GRIP1: variants seen among roughly 807,000 people sequenced by gnomAD.
The protein encoded by GRIP1 is glutamate receptor-interacting protein 1.
GRIP1 carries 45 observed loss-of-function variants against 129.9 expected under a neutral mutation model. That is an observed-to-expected ratio of 0.35 (90% CI 0.27 to 0.44). The LOEUF (loss-of-function observed/expected upper bound fraction) is 0.44, where lower values mean the gene tolerates loss of function less well. GRIP1 is among the 20% of genes least tolerant of loss of function. The pLI, the probability that GRIP1 is intolerant of heterozygous loss-of-function variation, is 1.00. For missense variants in GRIP1, 1,196 were observed against 1,396.8 expected (o/e 0.86, Z 2.29); for synonymous variants, 530 against 520.8 (o/e 1.02, Z -0.24).
chr12:66,499,196 A>C (rs1434272164), intron 7 of GRIP1, among the ~76,000 whole-genome samples: 1 of 152,216 alleles, frequency 6.6e-6, no homozygotes, highest in Non-Finnish European at 1.5e-5. Context: ...GAACTGACCT[A>C]TCACTGTGGA....
chr12:66,540,370 T>C (rs1289418325), intron 3 of GRIP1, among the ~76,000 whole-genome samples: 3 of 152,244 alleles, frequency 2.0e-5, no homozygotes, highest in South Asian at 2.1e-4. Flanking sequence ...AATTACAGAA[T>C]TAATACAACT....
At chr12:66,716,961 CA>C (rs2035908862) in intron 1 of GRIP1, among the ~76,000 whole-genome samples, 1 of 152,008 alleles carries the variant, frequency 6.6e-6, no homozygotes, top group South Asian at 2.1e-4. Context: ...AAACACAGCC[CA>C]GGCAAGAAAT....
intron 7 of GRIP1, among the ~76,000 whole-genome samples, chr12:66,513,291 T>G (rs921722032): frequency 6.6e-6 from 1 of 152,152 alleles, no homozygotes; most frequent in Non-Finnish European, 1.5e-5. Flanking sequence ...TCAAAAATAT[T>G]TTGACTATTT....
intron 1 of GRIP1, among the ~76,000 whole-genome samples, chr12:67,017,304 C>G (rs1407911416): frequency 6.6e-6 from 1 of 151,760 alleles, no homozygotes; most frequent in African/African-American, 2.4e-5. Flanking sequence ...GTTGTCCTCT[C>G]GGTGGCCCCT....
intron 1 of GRIP1, among the ~76,000 whole-genome samples, chr12:66,671,561 T>C (rs2034083575): frequency 1.3e-5 from 2 of 151,898 alleles, no homozygotes; most frequent in African/African-American, 4.8e-5. Context: ...CTTAAAAGAG[T>C]GGTCTGCCCT....
chr12:66,868,251 A>G (rs1374043985), intron 1 of GRIP1, among the ~76,000 whole-genome samples: 2 of 152,138 alleles, frequency 1.3e-5, no homozygotes, highest in African/African-American at 2.4e-5. Context: ...GACAGGGAAA[A>G]TTTGTACTGG....
intron 1 of GRIP1, among the ~76,000 whole-genome samples, chr12:66,909,976 C>T (rs1311825342): frequency 1.3e-5 from 2 of 152,136 alleles, no homozygotes; most frequent in Non-Finnish European, 2.9e-5. Context: ...CTCATCTAAG[C>T]AGATTATAAT....
intron 1 of GRIP1, among the ~76,000 whole-genome samples, chr12:66,722,312 C>G (rs1018513506): frequency 2.0e-5 from 3 of 152,036 alleles, no homozygotes; most frequent in Admixed American, 6.6e-5. Context: ...ATTAATTGAC[C>G]TAATTTCAAT....
intron 1 of GRIP1, among the ~76,000 whole-genome samples, chr12:66,790,621 T>C (rs1312621179): frequency 6.6e-6 from 1 of 152,012 alleles, no homozygotes. Context: ...GAATGAGAAA[T>C]GAATTCAAGG....
At chr12:66,921,303 A>T (rs1566079194) in intron 1 of GRIP1, among the ~76,000 whole-genome samples, 2 of 152,222 alleles carry the variant, frequency 1.3e-5, no homozygotes, top group Non-Finnish European at 2.9e-5. Context: ...CCCAGGCAAG[A>T]TTCCACACAA....
At position 66,629,881 on chromosome 12, in the gene GRIP1, A is replaced by T. The variant is rs148066631; in HGVS notation, c.56-32954T>A. 6.7e-3 allele frequency among the ~76,000 whole-genome samples: 1,020 copies of T among 152,344 alleles called. 11 individuals carry two copies. The highest frequency in any genetic ancestry group is 0.023 in the African/African-American group (970 of 41,550). On this transcript the variant is annotated intron_variant, in intron 1 of 24. Transcript: ENST00000359742. ...CATATAGCTTAATTTTACCTTAAAA[A>T]GACCCACAAGCCAGTTTTGGTTCTT...
intron 1 of GRIP1, among the ~76,000 whole-genome samples, chr12:66,959,037 T>C (rs1440448458): frequency 3.3e-5 from 5 of 152,242 alleles, no homozygotes; most frequent in African/African-American, 1.2e-4. Context: ...ACGTCTTAAA[T>C]AGGTCTTTGC....
At chr12:66,955,398 T>C (rs1365543792) in intron 1 of GRIP1, among the ~76,000 whole-genome samples, 2 of 152,250 alleles carry the variant, frequency 1.3e-5, no homozygotes, top group East Asian at 3.9e-4. Flanking sequence ...ATTTAAATTA[T>C]ATACTTCCTC....
chr12:66,639,220 G>A (rs550539616), intron 1 of GRIP1, among the ~76,000 whole-genome samples: 8 of 152,084 alleles, frequency 5.3e-5, no homozygotes, highest in Non-Finnish European at 1.0e-4. Flanking sequence ...TAATCACAGA[G>A]TATGCTACTA....
At position 66,842,321 on chromosome 12, in the gene GRIP1, C is replaced by T. The variant is rs556281473; in HGVS notation, c.58+226729G>A. Among the ~76,000 whole-genome samples the T allele has an allele frequency of 6.8e-4, 103 of 151,732 alleles. No individual in the cohort carries two copies. In the East Asian group the frequency reaches 7.6e-3, roughly 11 times the overall value. ...TATATACAATATAGAATAAATGTTA[C>T]CAATACAATTGTATATTGGAAGGAT... On this transcript the variant is annotated intron_variant, in intron 1 of 1. Transcript: ENST00000643019.
chr12:66,751,667 T>C (rs2037130513), intron 1 of GRIP1, among the ~76,000 whole-genome samples: 1 of 152,188 alleles, frequency 6.6e-6, no homozygotes, highest in Non-Finnish European at 1.5e-5. Flanking sequence ...GCTCCATAAA[T>C]GGGCATTGAA....
chr12:66,568,848 A>G (rs2062857062), intron 2 of GRIP1: 3 of 436,458 alleles, frequency 6.9e-6, no homozygotes, highest in South Asian at 1.8e-5. Context: ...TACAGGTCCA[A>G]CTGGTCAGGA....
intron 7 of GRIP1, among the ~76,000 whole-genome samples, chr12:66,502,589 T>C (rs1245271257): frequency 6.6e-6 from 1 of 152,158 alleles, no homozygotes; most frequent in Non-Finnish European, 1.5e-5. Flanking sequence ...CTTGGTGCTG[T>C]CCTCACTATA....
rs1441127784 is a variant in GRIP1 at position 67,066,679 on chromosome 12, T to C, written c.58+2371A>G. On this transcript the variant is annotated intron_variant, in intron 1 of 1. Transcript: ENST00000643019. ...TGACAGTTTAATCTTTTTGTTTATA[T>C]TTAAAAGAATCCAATTCAACGTTAT... Among the ~76,000 whole-genome samples, 5 of 152,062 alleles carry C rather than the reference T, an allele frequency of 3.3e-5. No homozygotes were observed. In the East Asian group the frequency reaches 7.7e-4, roughly 23 times the overall value.
Sources: allele counts gnomAD v4.1 joint callset (sites outside exome capture counted in the v4.1 genomes callset), GRCh38; gene constraint gnomAD v4.1.1; transcripts MANE v1.5; gene names NCBI Gene and HGNC (gene_info 2026-07-23, HGNC 2026-07-21).